MLXIPL: variants seen among roughly 807,000 people sequenced by gnomAD.
MLXIPL encodes the protein MLX interacting protein like, also known as carbohydrate-responsive element-binding protein.
In MLXIPL, 49 loss-of-function variants were observed where a neutral mutation model predicts 81.5. That is an observed-to-expected ratio of 0.60 (90% CI 0.48 to 0.76). MLXIPL has a LOEUF of 0.76. Ranked by LOEUF, MLXIPL falls within the 30% of genes least tolerant of loss-of-function variation. The pLI, the probability that MLXIPL is intolerant of heterozygous loss-of-function variation, is 0.00. For synonymous variants in MLXIPL, 466 were observed against 485.5 expected, an observed-to-expected ratio of 0.96 and a Z score of 0.53; for missense variants, 1,053 against 1,167.0, an observed-to-expected ratio of 0.90 and a Z score of 1.42.
the MLXIPL span, among the ~76,000 whole-genome samples, chr7:73,632,155 A>T: frequency 4.6e-5 from 7 of 150,866 alleles, no homozygotes; most frequent in Admixed American, 4.0e-4. Context: ...AATTTTTTAA[A>T]TTTTTTTATT....
intron 1 of MLXIPL, among the ~76,000 whole-genome samples, chr7:73,616,731 C>T (rs1036779801): frequency 1.3e-5 from 2 of 151,818 alleles, no homozygotes; most frequent in Admixed American, 1.3e-4. Context: ...ACCTGTAATC[C>T]CAGCTACTCA....
intron 2 of MLXIPL, among the ~76,000 whole-genome samples, chr7:73,615,615 C>G (rs373084983): frequency 6.6e-6 from 1 of 151,914 alleles, no homozygotes; most frequent in East Asian, 1.9e-4. Context: ...GCCTGGTCTC[C>G]CCCTAAAAGG....
At chr7:73,632,449 A>G in the MLXIPL span, among the ~76,000 whole-genome samples, 42,712 of 152,088 alleles carry the variant, frequency 0.28, 6,245 homozygotes, top group African/African-American at 0.34. Flanking sequence ...TTGCACCCAT[A>G]TACATATATG....
chr7:73,623,257 C>A lies in MLXIPL; in HGVS notation c.293+943G>T, dbSNP rs1206601037. On this transcript the variant is annotated intron_variant, in intron 1 of 16. Transcript: ENST00000313375. The surrounding 1 kb of genome is among the most constrained non-coding windows in gnomAD (Gnocchi z 5.7). ...GTTCTCAGAAGGGGAGGAGGCGCCG[C>A]GGAGGAAGAGGAATATTTGCACAGA... Among the ~76,000 whole-genome samples the A allele has an allele frequency of 6.6e-6, 1 of 152,228 alleles. No individual in the cohort carries two copies. Among genetic ancestry groups the A allele is most frequent in the Non-Finnish European group, 1.5e-5 (1 of 68,040 alleles).
chr7:73,607,062 C>T lies in MLXIPL; in HGVS notation c.574-44G>A, dbSNP rs184003841. On this transcript the variant is annotated intron_variant, in intron 4 of 16. Transcript: ENST00000313375. The stretch of plus-strand genomic sequence containing the variant: ...TTGGACACCGGATCCCTTGCCCCAT[C>T]CTCCATCACTTTCCCCCCAAAGTCT... 7.9e-4 allele frequency: 1,273 copies of T among 1,604,602 alleles called. 8 individuals carry two copies. The highest frequency in any genetic ancestry group is 5.3e-3 in the Middle Eastern group (32 of 6,052).
At chr7:73,599,810 G>A (rs1554595510) in intron 7 of MLXIPL, 115 bp from the exon 8 acceptor site, 3 of 1,016,728 alleles carry the variant, frequency 3.0e-6, no homozygotes, top group East Asian at 2.4e-5. Context: ...GGGGACTGGC[G>A]GGCAGAGGGT....
intron 7 of MLXIPL, 41 bp from the exon 8 acceptor site, chr7:73,599,736 G>A (rs1400826713): frequency 1.0e-5 from 16 of 1,568,978 alleles, no homozygotes; most frequent in Admixed American, 1.8e-5. Context: ...TTAGGGCCAG[G>A]GCTATGGCTG....
chr7:73,619,408 C>A (rs1554601482), intron 1 of MLXIPL, among the ~76,000 whole-genome samples: 2 of 151,326 alleles, frequency 1.3e-5, no homozygotes, highest in East Asian at 2.0e-4. Flanking sequence ...TTGCAGTGAG[C>A]CGAGATTGTG....
At chr7:73,618,252 AC>A (rs1796114631) in intron 1 of MLXIPL, among the ~76,000 whole-genome samples, 1 of 152,182 alleles carries the variant, frequency 6.6e-6, no homozygotes, top group Non-Finnish European at 1.5e-5. Flanking sequence ...ATATGCCATG[AC>A]ACCCAGCTCA....
At chr7:73,631,558 CTTTTTTTTT>C in the MLXIPL span, among the ~76,000 whole-genome samples, 28 of 69,668 alleles carry the variant, frequency 4.0e-4, no homozygotes, top group African/African-American at 9.1e-4. Flanking sequence ...GATGTTGCTA[CTTTTTTTTT>C]TTTTTTTTTT....
chr7:73,647,535 G>T, the MLXIPL span, among the ~76,000 whole-genome samples: 1 of 152,198 alleles, frequency 6.6e-6, no homozygotes, highest in Non-Finnish European at 1.5e-5. Context: ...CTAGCAGGAT[G>T]AATTCTTGGA....
At chr7:73,640,692 G>A in the MLXIPL span, among the ~76,000 whole-genome samples, 4 of 149,920 alleles carry the variant, frequency 2.7e-5, no homozygotes, top group African/African-American at 9.8e-5. Context: ...CAGGAAAATC[G>A]CTTGAATCCG....
intron 7 of MLXIPL, among the ~76,000 whole-genome samples, chr7:73,604,215 C>CAAA (rs55693159): frequency 2.2e-4 from 11 of 50,026 alleles, no homozygotes; most frequent in African/African-American, 3.5e-4. Flanking sequence ...GACTCCGTCT[C>CAAA]AAAAAAAAAA....
chr7:73,599,821 G>A, intron 7 of MLXIPL, 126 bp from the exon 8 acceptor site: 1 of 865,002 alleles, frequency 1.2e-6, no homozygotes. Context: ...GGCAGAGGGT[G>A]GGGGTCCCTT....
In MLXIPL at chr7:73,597,416, G is replaced by T; in HGVS notation, c.1369C>A (p.Pro457Thr). 1 of 1,424,880 alleles carries T rather than the reference G, an allele frequency of 7.0e-7. No homozygotes were observed. Among genetic ancestry groups the T allele is most frequent in the Non-Finnish European group, 9.2e-7 (1 of 1,085,288 alleles). 88.3% of individuals were successfully genotyped at this position (1,424,880 alleles called of 1,614,324 possible). A position where few individuals can be genotyped will look rare whatever the true frequency, so the allele number is the denominator to read the frequency against. Reference protein sequence around the residue: ...SPLPAPAAFPPTPQSVPSPAP... With the variant: ...SPLPAPAAFPTTPQSVPSPAP... ...GGGCTGGGGACAGACTGTGGGGTGG[G>T]TGGGAAGGCTGCAGGAGCAGGCAGC... The change falls in exon 9 of 17, where the codon CCC becomes ACC. Residue 457 changes from proline to threonine, a missense_variant. Pro to Thr is a conservative substitution (Grantham distance 38). This residue lies in a region of MLXIPL where 823 missense variants were observed against 933.0 expected (regional missense o/e 0.88). Transcript: ENST00000313375.
chr7:73,624,665 C>T (rs1349200116), upstream of MLXIPL: 12 of 1,276,964 alleles, frequency 9.4e-6, no homozygotes, highest in Admixed American at 4.3e-4. Context: ...CAGGTGAGAA[C>T]CCGGTGCTCT....
chr7:73,602,521 A>T (rs1345454092), intron 7 of MLXIPL, among the ~76,000 whole-genome samples: 3 of 151,768 alleles, frequency 2.0e-5, no homozygotes, highest in South Asian at 2.1e-4. Context: ...AAAAAAAAAA[A>T]ATACAAAAAT....
intron 7 of MLXIPL, among the ~76,000 whole-genome samples, chr7:73,604,344 G>A (rs1554597281): frequency 6.6e-6 from 1 of 152,054 alleles, no homozygotes. Flanking sequence ...GGCTGAGGTG[G>A]GAGGATCTCT....
chr7:73,606,214 G>T, intron 5 of MLXIPL, 103 bp from the exon 6 acceptor site: 1 of 1,208,118 alleles, frequency 8.3e-7, no homozygotes, highest in Non-Finnish European at 1.2e-6. Flanking sequence ...CAGAGGGTCT[G>T]TCTGTTCACA....
Sources: gnomAD v4.1 joint callset for allele counts (sites outside exome capture counted in the v4.1 genomes callset) on GRCh38, gnomAD v4.1.1 for gene constraint, gnomAD v4.1.1 regional missense constraint, Gnocchi (gnomAD v3.1) non-coding constraint, MANE v1.5 for transcripts, NCBI Gene and HGNC (gene_info 2026-07-23, HGNC 2026-07-21) for gene names.